The following ASIC2 variants were observed in gnomAD, a reference collection of about 807,000 sequenced individuals.
ASIC2 encodes acid-sensing ion channel 2.
ASIC2 carries 25 observed loss-of-function variants against 57.3 expected under a neutral mutation model. The observed-to-expected ratio is 0.44, with a 90% CI of 0.32 to 0.61. ASIC2 has a LOEUF of 0.61. ASIC2 is among the 20% of genes least tolerant of loss of function. The pLI, the probability that ASIC2 is intolerant of heterozygous loss-of-function variation, is 0.06. For missense variants in ASIC2, 641 were observed against 738.1 expected (o/e 0.87, Z 1.52); for synonymous variants, 319 against 307.5 (o/e 1.04, Z -0.39).
At chr17:33,780,950 T>C (rs1472987676) in intron 1 of ASIC2, among the ~76,000 whole-genome samples, 5 of 152,134 alleles carry the variant, frequency 3.3e-5, no homozygotes, top group Non-Finnish European at 5.9e-5. Context: ...ATAAAATGGA[T>C]GTGATAAGTT....
intron 1 of ASIC2, among the ~76,000 whole-genome samples, chr17:33,995,779 T>C (rs1413188040): frequency 6.6e-6 from 1 of 152,198 alleles, no homozygotes; most frequent in Non-Finnish European, 1.5e-5. Context: ...GTTGGTTTCA[T>C]ATCTTAGCTA....
At chr17:33,277,000 T>C (rs1467951995) in intron 1 of ASIC2, among the ~76,000 whole-genome samples, 1 of 152,258 alleles carries the variant, frequency 6.6e-6, no homozygotes, top group East Asian at 1.9e-4. Context: ...TGGTCCCATG[T>C]ACCCGTGGTA....
intron 1 of ASIC2, among the ~76,000 whole-genome samples, chr17:33,171,906 C>T (rs998061645): frequency 2.0e-5 from 3 of 152,228 alleles, no homozygotes; most frequent in Non-Finnish European, 4.4e-5. Flanking sequence ...CTCTGCCCTG[C>T]TAGCCCAGTT....
At chr17:33,887,602 G>A (rs1202020924) in intron 1 of ASIC2, among the ~76,000 whole-genome samples, 2 of 152,148 alleles carry the variant, frequency 1.3e-5, no homozygotes, top group Non-Finnish European at 2.9e-5. Context: ...GTGCGGAGAG[G>A]TGAGACCTTT....
At chr17:34,003,702 G>A (rs1365286871) in intron 1 of ASIC2, 2 of 151,942 alleles carry the variant, frequency 1.3e-5, no homozygotes, top group Non-Finnish European at 2.9e-5. Flanking sequence ...ATCACTGCAC[G>A]AGGTCCCACA....
intron 1 of ASIC2, among the ~76,000 whole-genome samples, chr17:33,338,907 CA>C (rs1907626646): frequency 6.6e-6 from 1 of 151,980 alleles, no homozygotes; most frequent in Non-Finnish European, 1.5e-5. Context: ...GGAAAGTTGC[CA>C]GGGGCTGGAG....
chr17:33,033,393 G>C (rs950491850), intron 3 of ASIC2, among the ~76,000 whole-genome samples: 5 of 152,192 alleles, frequency 3.3e-5, no homozygotes, highest in African/African-American at 1.2e-4. Context: ...TGCAGACCTG[G>C]GCCTCTCACT....
chr17:33,409,271 A>T (rs949843684), intron 1 of ASIC2, among the ~76,000 whole-genome samples: 6 of 152,140 alleles, frequency 3.9e-5, no homozygotes, highest in African/African-American at 1.4e-4. Context: ...GAGGTCATCA[A>T]CTCCAATATT....
chr17:33,992,314 C>T lies in ASIC2; in HGVS notation c.555+163664G>A, dbSNP rs371407304. On this transcript the variant is annotated intron_variant, in intron 1 of 9. Coordinates refer to the ASIC2 transcript ENST00000359872. Reference sequence around the variant, plus strand: ...GCCTAGTCAGATGCTGACTGGCTGTCGATGACATCATGGGTATTTGGAAGC... The same window carrying T: ...GCCTAGTCAGATGCTGACTGGCTGTTGATGACATCATGGGTATTTGGAAGC... Among the ~76,000 whole-genome samples, 11 of 152,146 alleles carry T rather than the reference C, an allele frequency of 7.2e-5. No individual in the cohort carries two copies. The East Asian group carries it at 1.5e-3, about 21-fold the overall frequency.
At chr17:33,019,991 G>A (rs570056751) in intron 7 of ASIC2, among the ~76,000 whole-genome samples, 2 of 152,286 alleles carry the variant, frequency 1.3e-5, no homozygotes, top group South Asian at 2.1e-4. Context: ...ATAGGGGTGA[G>A]TGAGGGGTCT....
intron 1 of ASIC2, among the ~76,000 whole-genome samples, chr17:33,439,437 C>T (rs1354583641): frequency 1.3e-5 from 2 of 152,044 alleles, no homozygotes; most frequent in African/African-American, 4.8e-5. Context: ...TGTGAGAATT[C>T]CCTGAGAGGA....
chr17:33,765,618 T>TA (rs1910912338), intron 1 of ASIC2, among the ~76,000 whole-genome samples: 1 of 152,186 alleles, frequency 6.6e-6, no homozygotes, highest in Admixed American at 6.5e-5. Context: ...CTGCAGTTCT[T>TA]AAAAAATCTG....
intron 1 of ASIC2, among the ~76,000 whole-genome samples, chr17:33,742,510 G>T (rs966905778): frequency 2.6e-5 from 4 of 152,212 alleles, no homozygotes; most frequent in African/African-American, 9.6e-5. Flanking sequence ...GAGTGACAGA[G>T]TCATACTTAA....
intron 1 of ASIC2, among the ~76,000 whole-genome samples, chr17:33,910,556 T>C (rs1314157420): frequency 1.3e-5 from 2 of 152,198 alleles, no homozygotes; most frequent in Admixed American, 6.5e-5. Context: ...TTTTCCTTCA[T>C]AGAATTTGTC....
chr17:34,144,342 T>C (rs1351027442), intron 1 of ASIC2, among the ~76,000 whole-genome samples: 1 of 152,324 alleles, frequency 6.6e-6, no homozygotes, highest in Non-Finnish European at 1.5e-5. Context: ...ATGTCTATAG[T>C]AGCTTAGGCT....
At chr17:33,823,378 A>C (rs1912806413) in intron 1 of ASIC2, among the ~76,000 whole-genome samples, 1 of 152,184 alleles carries the variant, frequency 6.6e-6, no homozygotes, top group Non-Finnish European at 1.5e-5. Flanking sequence ...TAAACGCATA[A>C]AGTCAAGATA....
chr17:33,577,784 C>T (rs369817430), intron 1 of ASIC2, among the ~76,000 whole-genome samples: 155 of 152,238 alleles, frequency 1.0e-3, no homozygotes, highest in African/African-American at 3.6e-3. Context: ...ATGTTCCACC[C>T]GGCCTGCCCC....
chr17:33,161,980 T>G (rs7217059), intron 1 of ASIC2, among the ~76,000 whole-genome samples: 39,283 of 148,468 alleles, frequency 0.26, 5,212 homozygotes, highest in East Asian at 0.41. Flanking sequence ...CTAGCCGTTC[T>G]CATAACCAAG....
At chr17:33,537,216 T>C (rs532223229) in intron 1 of ASIC2, among the ~76,000 whole-genome samples, 9 of 152,312 alleles carry the variant, frequency 5.9e-5, no homozygotes, top group Non-Finnish European at 1.0e-4. Context: ...GTGGTGTATC[T>C]GTTCCACCAA....
Sources: allele counts gnomAD v4.1 joint callset (sites outside exome capture counted in the v4.1 genomes callset), GRCh38; gene constraint gnomAD v4.1.1; transcripts MANE v1.5; gene names NCBI Gene and HGNC (gene_info 2026-07-23, HGNC 2026-07-21).